Variants in FAM53B observed in about 807,000 individuals in gnomAD.
FAM53B encodes the protein protein FAM53B.
In FAM53B, 12 loss-of-function variants were observed where a neutral mutation model predicts 32.7. That is an observed-to-expected ratio of 0.37 (90% confidence interval 0.24 to 0.59). The LOEUF (loss-of-function observed/expected upper bound fraction) is 0.59, where lower values mean the gene tolerates loss of function less well. Among genes scored for constraint, FAM53B ranks in the 20% least tolerant of loss-of-function variants. The probability of loss-of-function intolerance (pLI) is 0.72; values close to 1 mark genes in which losing one functional copy is unlikely to be tolerated. For missense variants in FAM53B, 477 were observed against 577.7 expected (o/e 0.83, Z 1.79); for synonymous variants, 234 against 228.7 (o/e 1.02, Z -0.21).
intron 1 of FAM53B, among the ~76,000 whole-genome samples, chr10:124,723,988 C>T (rs1393136794): frequency 6.6e-6 from 1 of 152,224 alleles, no homozygotes; most frequent in Non-Finnish European, 1.5e-5. Context: ...AAGTCCAACA[C>T]GCACTAGGCT....
intron 4 of FAM53B, among the ~76,000 whole-genome samples, chr10:124,631,915 C>T (rs1007985466): frequency 1.3e-5 from 2 of 152,200 alleles, no homozygotes; most frequent in Non-Finnish European, 2.9e-5. Context: ...TGCAGGGAAC[C>T]CTGACCCCAC....
At chr10:124,641,457 T>G (rs1949472515) in intron 4 of FAM53B, among the ~76,000 whole-genome samples, 2 of 152,172 alleles carry the variant, frequency 1.3e-5, no homozygotes, top group Admixed American at 1.3e-4. Flanking sequence ...GGCACCAACA[T>G]CTGGTGCTTC....
At chr10:124,725,980 A>G (rs1245870470) in intron 1 of FAM53B, among the ~76,000 whole-genome samples, 4 of 152,162 alleles carry the variant, frequency 2.6e-5, no homozygotes. Context: ...AGCAATGTGC[A>G]CTGGTTCTCC....
rs1283675757 is a variant in FAM53B at position 124,639,675 on chromosome 10, T to C, written c.907-16071A>G. Among the ~76,000 whole-genome samples, 4 of 152,102 alleles carry C rather than the reference T, an allele frequency of 2.6e-5. No homozygotes were observed. The South Asian group carries it at 8.3e-4, about 32-fold the overall frequency. Reference sequence around the variant, plus strand: ...AACTATGAATTTTCTGATAGGCTTTTCCCCCCCTTTCTATATTTTCCCCTT... The same window carrying C: ...AACTATGAATTTTCTGATAGGCTTTCCCCCCCCTTTCTATATTTTCCCCTT... On this transcript the variant is annotated intron_variant, in intron 4 of 4. Coordinates refer to ENST00000337318, the MANE Select transcript of FAM53B (RefSeq NM_014661.4).
chr10:124,704,816 GGA>G (rs1205599674), intron 2 of FAM53B, among the ~76,000 whole-genome samples: 3 of 152,230 alleles, frequency 2.0e-5, no homozygotes, highest in Non-Finnish European at 4.4e-5. Context: ...GCTGCTGGGT[GGA>G]GAACAGGTTA....
intron 4 of FAM53B, among the ~76,000 whole-genome samples, chr10:124,626,443 T>A (rs1302439060): frequency 7.2e-6 from 1 of 139,002 alleles, no homozygotes; most frequent in Non-Finnish European, 1.6e-5. Context: ...TGGGAGGTGA[T>A]GAGGTCATGT....
chr10:124,727,704 G>A (rs1464256466), intron 1 of FAM53B, among the ~76,000 whole-genome samples: 1 of 151,840 alleles, frequency 6.6e-6, no homozygotes, highest in Non-Finnish European at 1.5e-5. Context: ...TGCCTTCCAG[G>A]GCCAAGCAGG....
chr10:124,706,748 G>A lies in FAM53B; in HGVS notation c.-35C>T, dbSNP rs748668667. On this transcript the variant is annotated 5_prime_UTR_variant, in exon 2 of 5. Coordinates refer to ENST00000337318, the MANE Select transcript of FAM53B (RefSeq NM_014661.4). ...CTCAGGCGCTGGGCTCCATCCCAGG[G>A]TGGGTATCAGCCATCTTCACTTGGG... is the stretch of plus-strand genomic sequence containing the variant. 83 of 1,613,756 alleles carry A rather than the reference G, an allele frequency of 5.1e-5. No individual in the cohort carries two copies. Among genetic ancestry groups the A allele is most frequent in the Non-Finnish European group, 6.6e-5 (78 of 1,179,960 alleles).
chr10:124,706,139 AG>A (rs1949956091), intron 2 of FAM53B, among the ~76,000 whole-genome samples: 1 of 152,208 alleles, frequency 6.6e-6, no homozygotes, highest in South Asian at 2.1e-4. Flanking sequence ...CAAGTGGTCC[AG>A]GGTGGTCCAG....
At chr10:124,627,812 G>A (rs1312426510) in intron 4 of FAM53B, among the ~76,000 whole-genome samples, 3 of 72,744 alleles carry the variant, frequency 4.1e-5, no homozygotes, top group African/African-American at 1.1e-4. Flanking sequence ...TGCCCCAGCC[G>A]GCCTCCCTAG....
At chr10:124,626,743 C>A (rs1275289646) in intron 4 of FAM53B, among the ~76,000 whole-genome samples, 1 of 152,246 alleles carries the variant, frequency 6.6e-6, no homozygotes, top group African/African-American at 2.4e-5. Flanking sequence ...GACCCATTAG[C>A]TAGACCTTTC....
intron 1 of FAM53B, among the ~76,000 whole-genome samples, chr10:124,715,643 C>G (rs868708447): frequency 6.6e-6 from 1 of 152,240 alleles, no homozygotes; most frequent in Non-Finnish European, 1.5e-5. Flanking sequence ...ACGGCAGCAA[C>G]CTGACTGATG....
At chr10:124,721,423 C>A (rs1244568089) in intron 1 of FAM53B, among the ~76,000 whole-genome samples, 1 of 152,242 alleles carries the variant, frequency 6.6e-6, no homozygotes, top group African/African-American at 2.4e-5. Flanking sequence ...AAGGCCCCAG[C>A]AAACAAGGCT....
intron 1 of FAM53B, among the ~76,000 whole-genome samples, chr10:124,736,900 C>G (rs2134105253): frequency 6.6e-6 from 1 of 152,348 alleles, no homozygotes; most frequent in East Asian, 1.9e-4. Context: ...CTGGGCAATG[C>G]ACGTGTCTTA....
chr10:124,623,882 G>C (rs1021902948), intron 4 of FAM53B: 5 of 430,964 alleles, frequency 1.2e-5, no homozygotes, highest in Admixed American at 4.1e-5. Context: ...AGTTCTGGGG[G>C]GCTGCGGTGA....
In FAM53B at chr10:124,731,534, G is replaced by C. The variant is rs577412609; in HGVS notation, c.-175+12479C>G. Among the ~76,000 whole-genome samples, 5 of 152,000 alleles carry C rather than the reference G, an allele frequency of 3.3e-5. No homozygotes were observed. In the South Asian group the frequency reaches 1.0e-3, roughly 32 times the overall value. ...ATCTGTACTGCCTTGTACTATAAGA[G>C]GCTCCATTTATAAAGGAAATTATTA... On this transcript the variant is annotated intron_variant, in intron 1 of 4. Coordinates refer to ENST00000337318, the MANE Select transcript of FAM53B (RefSeq NM_014661.4).
chr10:124,674,843 T>C (rs1949727655), intron 4 of FAM53B, among the ~76,000 whole-genome samples: 1 of 152,174 alleles, frequency 6.6e-6, no homozygotes, highest in South Asian at 2.1e-4. Context: ...CCAAGCCTCT[T>C]TGCCAGCACC....
At chr10:124,665,067 C>T (rs1356051612) in intron 4 of FAM53B, among the ~76,000 whole-genome samples, 1 of 152,258 alleles carries the variant, frequency 6.6e-6, no homozygotes, top group Non-Finnish European at 1.5e-5. Flanking sequence ...CAGTGGCCCT[C>T]GCTTGTGTGC....
chr10:124,741,937 TCTG>T (rs1950202767), intron 1 of FAM53B, among the ~76,000 whole-genome samples: 1 of 152,254 alleles, frequency 6.6e-6, no homozygotes, highest in Non-Finnish European at 1.5e-5. Flanking sequence ...CAAGTCCACT[TCTG>T]CAGCAGTGAG....
Sources: gnomAD v4.1 joint callset for allele counts (sites outside exome capture counted in the v4.1 genomes callset) on GRCh38, gnomAD v4.1.1 for gene constraint, MANE v1.5 for transcripts, NCBI Gene and HGNC (gene_info 2026-07-23, HGNC 2026-07-21) for gene names.